Variants in MTR observed in about 807,000 individuals in gnomAD.
MTR encodes the protein 5-methyltetrahydrofolate-homocysteine methyltransferase, also known as methionine synthase.
A neutral mutation model predicts 154.8 loss-of-function variants in MTR; 84 were observed. That is an observed-to-expected ratio of 0.54 (90% CI 0.45 to 0.65). The LOEUF (loss-of-function observed/expected upper bound fraction) is 0.65, where lower values mean the gene tolerates loss of function less well. Ranked by LOEUF, MTR falls within the 30% of genes least tolerant of loss-of-function variation. MTR has a pLI of 0.00. For missense variants in MTR, 1,275 were observed against 1,570.2 expected, an observed-to-expected ratio of 0.81 and a Z score of 3.18; for synonymous variants, 554 against 553.9, an observed-to-expected ratio of 1.00 and a Z score of 0.00.
intron 27 of MTR, among the ~76,000 whole-genome samples, chr1:236,887,379 C>G (rs1033357971): frequency 6.6e-5 from 10 of 152,146 alleles, no homozygotes; most frequent in African/African-American, 2.4e-4. Flanking sequence ...CAGCTTGCTT[C>G]CACGTTTGAC....
At chr1:236,840,309 G>A (rs1327932124) in intron 15 of MTR, among the ~76,000 whole-genome samples, 4 of 152,170 alleles carry the variant, frequency 2.6e-5, no homozygotes, top group Admixed American at 2.6e-4. Flanking sequence ...TAAACTGTGG[G>A]TATGTATTCT....
At chr1:236,859,035 C>T (rs1041100640) in intron 18 of MTR, among the ~76,000 whole-genome samples, 11 of 152,212 alleles carry the variant, frequency 7.2e-5, no homozygotes, top group Non-Finnish European at 1.6e-4. Flanking sequence ...TATTTTCTAC[C>T]TCTCTTATGA....
Position 236,852,651 on chromosome 1 carries a change from A to G in MTR, c.1812+14A>G. 6.2e-7 allele frequency: 1 copy of G among 1,608,300 alleles called. No homozygotes were observed. The highest frequency in any genetic ancestry group is 1.1e-5 in the South Asian group (1 of 90,948). ...CATGCAATCAAGGTATGGTAGAAGA[A>G]CTCTTAGCCCTGCGGAAACCAGTTT... is the stretch of plus-strand genomic sequence containing the variant. On this transcript the variant is annotated intron_variant, in intron 17 of 32. Coordinates refer to ENST00000366577, the MANE Select transcript of MTR (RefSeq NM_000254.3).
At chr1:236,867,065 G>A (rs1664860024) in intron 22 of MTR, among the ~76,000 whole-genome samples, 2 of 152,202 alleles carry the variant, frequency 1.3e-5, no homozygotes, top group Admixed American at 1.3e-4. Context: ...AGGTGGCTAT[G>A]CTAACCAATA....
intron 7 of MTR, 90 bp downstream of exon 7, chr1:236,815,753 T>C (rs991712957): frequency 1.2e-5 from 15 of 1,266,712 alleles, no homozygotes; most frequent in Admixed American, 1.0e-4. Context: ...AGTAGAACTA[T>C]TAATGGTATC....
chr1:236,839,135 A>G (rs889256650), intron 15 of MTR, among the ~76,000 whole-genome samples: 3 of 152,354 alleles, frequency 2.0e-5, no homozygotes, highest in African/African-American at 7.2e-5. Flanking sequence ...GATATATAGT[A>G]AAGTCTTTGC....
intron 27 of MTR, among the ~76,000 whole-genome samples, chr1:236,887,865 A>G (rs1666107148): frequency 6.6e-6 from 1 of 152,252 alleles, no homozygotes; most frequent in Non-Finnish European, 1.5e-5. Context: ...AGAGTCCATC[A>G]GTGGCTCTGC....
chr1:236,859,921 A>G lies in MTR; in HGVS notation c.2042A>G (p.Lys681Arg). Residue 681 changes from lysine to arginine, a missense_variant and splice_region_variant, in exon 19 of 33, where the codon AAG becomes AGG. By Grantham distance (26) the Lys-to-Arg change is conservative. Coordinates refer to ENST00000366577, the MANE Select transcript of MTR (RefSeq NM_000254.3). ...GAACGCCTTGAGTATGCCCTTGTGA[A>G]GGTAAGTTACAGGGGCCTGAACTGG... ...VEERLEYALV[K>R]GIEKHIIEDT... 6.2e-7 allele frequency: 1 copy of G among 1,613,472 alleles called. No homozygotes were observed. The highest frequency in any genetic ancestry group is 8.5e-7 in the Non-Finnish European group (1 of 1,179,514).
At chr1:236,795,869 T>G (rs1572170017) in intron 1 of MTR, 132 bp downstream of exon 1, 1 of 1,411,460 alleles carries the variant, frequency 7.1e-7, no homozygotes, top group Non-Finnish European at 9.8e-7. Flanking sequence ...GGGCGGCACC[T>G]TTAGAACTTA....
intron 1 of MTR, among the ~76,000 whole-genome samples, chr1:236,795,951 A>G (rs1200081209): frequency 6.6e-6 from 1 of 152,168 alleles, no homozygotes; most frequent in African/African-American, 2.4e-5. Context: ...TCCCCAGGCA[A>G]GCCATCAAAA....
At chr1:236,796,304 A>G (rs1450760366) in intron 1 of MTR, among the ~76,000 whole-genome samples, 2 of 152,234 alleles carry the variant, frequency 1.3e-5, no homozygotes, top group African/African-American at 2.4e-5. Context: ...GGGAGGTAGT[A>G]ATTTCAAGCG....
intron 19 of MTR, 34 bp downstream of exon 19, chr1:236,859,956 G>C: frequency 6.4e-7 from 1 of 1,563,858 alleles, no homozygotes; most frequent in Non-Finnish European, 8.8e-7. Flanking sequence ...GAGGGCTGGA[G>C]GCTCATCATG....
At position 236,812,412 on chromosome 1, in the gene MTR, C is replaced by T. The variant is rs188497078; in HGVS notation, c.503-326C>T. On this transcript the variant is annotated intron_variant, in intron 5 of 32. Transcript: ENST00000366577. Reference sequence around the variant, plus strand: ...CTCTTAACCGGTTGATTGAAATGAGCTATGGAAAGAATGATATGTTTCAGA... The same window carrying T: ...CTCTTAACCGGTTGATTGAAATGAGTTATGGAAAGAATGATATGTTTCAGA... Among the ~76,000 whole-genome samples the T allele has an allele frequency of 2.7e-3, 408 of 152,290 alleles. 3 individuals are homozygous for T. The highest frequency in any genetic ancestry group is 9.1e-3 in the African/African-American group (377 of 41,564).
At chr1:236,819,705 C>A in intron 8 of MTR, 1 of 705,122 alleles carries the variant, frequency 1.4e-6, no homozygotes, top group Non-Finnish European at 2.6e-6. Flanking sequence ...AGCAGGAACC[C>A]ATTTAGGTGG....
chr1:236,816,597 A>T, intron 8 of MTR, 54 bp downstream of exon 8: 1 of 1,443,548 alleles, frequency 6.9e-7, no homozygotes, highest in Non-Finnish European at 9.8e-7. Context: ...ACCTTTTCTG[A>T]TGGCTGTGGA....
chr1:236,900,027 T>C lies in MTR; in HGVS notation c.*2383T>C, dbSNP rs904736710. On this transcript the variant is annotated 3_prime_UTR_variant, in exon 33 of 33. Coordinates refer to ENST00000366577, the MANE Select transcript of MTR (RefSeq NM_000254.3). ...AATTATCCCTTACAGACTTGAACAT[T>C]TGCAGACGTTATGATCTTGCTTCCA... The C allele has an allele frequency of 2.7e-4, 64 of 236,088 alleles. No individual in the cohort carries two copies. The highest frequency in any genetic ancestry group is 1.4e-3 in the African/African-American group (62 of 44,060). The allele number at this position is 236,088 out of a possible 1,614,324, so 14.6% of individuals were successfully genotyped here. A position where few individuals can be genotyped will look rare whatever the true frequency, so the allele number is the denominator to read the frequency against.
chr1:236,851,098 T>C (rs1398517372), intron 16 of MTR, among the ~76,000 whole-genome samples: 1 of 152,206 alleles, frequency 6.6e-6, no homozygotes, highest in Non-Finnish European at 1.5e-5. Context: ...ATTTGCAAAT[T>C]CATGTACTTA....
chr1:236,817,560 G>T (rs1442788895), intron 8 of MTR, among the ~76,000 whole-genome samples: 1 of 152,156 alleles, frequency 6.6e-6, no homozygotes, highest in African/African-American at 2.4e-5. Context: ...TTGAGGGTAG[G>T]TACTGGTATT....
chr1:236,799,954 G>A (rs996818351), intron 1 of MTR: 2 of 619,682 alleles, frequency 3.2e-6, no homozygotes, highest in South Asian at 7.2e-5. Flanking sequence ...TTGCCTATAC[G>A]GTGGCTCAAC....
Sources: gnomAD v4.1 joint callset for allele counts (sites outside exome capture counted in the v4.1 genomes callset) on GRCh38, gnomAD v4.1.1 for gene constraint, MANE v1.5 for transcripts, NCBI Gene and HGNC (gene_info 2026-07-23, HGNC 2026-07-21) for gene names.